MID1: variants seen among roughly 807,000 people sequenced by gnomAD.
MID1 encodes midline 1.
MID1 carries 7 observed loss-of-function variants against 40.4 expected under a neutral mutation model. The ratio of observed to expected loss-of-function variants is 0.17; its 90% CI spans 0.10 to 0.33. The LOEUF is 0.33. Among genes scored for constraint, MID1 ranks in the 10% least tolerant of loss-of-function variants. The pLI, the probability that MID1 is intolerant of heterozygous loss-of-function variation, is 1.00. For synonymous variants in MID1, 229 were observed against 221.2 expected, an observed-to-expected ratio of 1.04 and a Z score of -0.31; for missense variants, 367 against 558.5, an observed-to-expected ratio of 0.66 and a Z score of 3.46.
rs1422955491 is a variant in MID1 at position 10,573,723 on chromosome X, AC to A, written c.-56-6121del. Among the ~76,000 whole-genome samples, 7 of 112,108 alleles carry A rather than the reference AC, an allele frequency of 6.2e-5. No individual in the cohort carries two copies. In the East Asian group the frequency reaches 2.0e-3, roughly 32 times the overall value. On this transcript the variant is annotated intron_variant, in intron 1 of 9. Transcript: ENST00000317552. ...TTTCTGATGGTCTATGGTTCCTTTG[AC>A]AGGGCCATCCAGTTTTTTGTTTGTT...
At chrX:10,767,313 T>TTTCC (rs1254978629) in intron 1 of MID1, among the ~76,000 whole-genome samples, 1 of 89,755 alleles carries the variant, frequency 1.1e-5, no homozygotes, top group Admixed American at 1.5e-4. Flanking sequence ...AGCCTTTTGA[T>TTTCC]TTCTTTCTTT....
At chrX:10,578,459 A>C (rs1338321453) in intron 1 of MID1, among the ~76,000 whole-genome samples, 1 of 112,471 alleles carries the variant, frequency 8.9e-6, no homozygotes, top group South Asian at 3.7e-4. Context: ...ACCCCTCAAG[A>C]GAAAATGATA....
intron 3 of MID1, among the ~76,000 whole-genome samples, chrX:10,498,559 T>A (rs1015426364): frequency 8.9e-6 from 1 of 112,318 alleles, no homozygotes; most frequent in Non-Finnish European, 1.9e-5. Context: ...GCCTAGAACA[T>A]TTTCAGTGCC....
At chrX:10,708,125 A>T (rs2043243553) in intron 1 of MID1, among the ~76,000 whole-genome samples, 1 of 112,461 alleles carries the variant, frequency 8.9e-6, no homozygotes, top group East Asian at 2.8e-4. Flanking sequence ...TTATCTGGTC[A>T]TTTTCCTGAT....
At chrX:10,729,881 G>A (rs1307316173) in intron 1 of MID1, among the ~76,000 whole-genome samples, 2 of 110,358 alleles carry the variant, frequency 1.8e-5, no homozygotes, top group Non-Finnish European at 3.8e-5. Flanking sequence ...TCAGGAGATC[G>A]AAACCATCCT....
At chrX:10,470,800 C>T (rs1036176108) in intron 6 of MID1, among the ~76,000 whole-genome samples, 1 of 112,152 alleles carries the variant, frequency 8.9e-6, no homozygotes, top group South Asian at 3.7e-4. Flanking sequence ...GAATTGATTT[C>T]AGTAACTGGT....
intron 1 of MID1, among the ~76,000 whole-genome samples, chrX:10,753,379 A>T (rs1046443886): frequency 1.8e-5 from 2 of 108,529 alleles, no homozygotes; most frequent in Admixed American, 2.0e-4. Flanking sequence ...TTTCCACTGG[A>T]AAAAAAAAAT....
chrX:10,492,592 TG>T (rs1205057286), intron 4 of MID1, among the ~76,000 whole-genome samples: 10 of 112,194 alleles, frequency 8.9e-5, no homozygotes, highest in Non-Finnish European at 1.9e-4. Context: ...CTATAGCCCA[TG>T]GCATTAAATA....
At chrX:10,739,681 A>C (rs1379028910) in intron 1 of MID1, among the ~76,000 whole-genome samples, 2 of 112,316 alleles carry the variant, frequency 1.8e-5, no homozygotes, top group South Asian at 3.7e-4. Flanking sequence ...AATAGGATAA[A>C]ATTATGGAAA....
chrX:10,534,708 A>G (rs1465992986), intron 2 of MID1, among the ~76,000 whole-genome samples: 3 of 111,931 alleles, frequency 2.7e-5, no homozygotes, highest in African/African-American at 9.7e-5. Flanking sequence ...TGTGTGGTAC[A>G]AAAAAATATT....
intron 2 of MID1, among the ~76,000 whole-genome samples, chrX:10,564,575 C>T (rs773753629): frequency 9.0e-6 from 1 of 111,657 alleles, no homozygotes; most frequent in South Asian, 3.8e-4. Context: ...AATTGTCAGG[C>T]CCTCCATGTG....
At chrX:10,818,484 T>C (rs2044153967) in intron 1 of MID1, among the ~76,000 whole-genome samples, 1 of 112,688 alleles carries the variant, frequency 8.9e-6, no homozygotes, top group Non-Finnish European at 1.9e-5. Flanking sequence ...ATCAGTGTTT[T>C]TCATTAGCTG....
At chrX:10,823,044 T>A (rs780695236) in intron 1 of MID1, among the ~76,000 whole-genome samples, 1 of 111,769 alleles carries the variant, frequency 8.9e-6, no homozygotes. Context: ...GCAGCACTAT[T>A]CACAATAGCA....
chrX:10,483,383 T>G (rs1017583969), intron 4 of MID1, among the ~76,000 whole-genome samples: 6 of 112,177 alleles, frequency 5.3e-5, no homozygotes, highest in Non-Finnish European at 1.1e-4. Context: ...CAATTCCTGA[T>G]TCTGTCTCGC....
Position 10,446,247 on chromosome X carries a change from A to G in MID1, c.*3121T>C, listed in dbSNP as rs1238492721. ...TTTATTAAGATAGACCAGATGGTCA[A>G]CTTCCCAACACCAAATGCACATGTA... is the stretch of plus-strand genomic sequence containing the variant. On this transcript the variant is annotated 3_prime_UTR_variant, in exon 10 of 10. Coordinates refer to ENST00000317552, the MANE Select transcript of MID1 (RefSeq NM_000381.4). The G allele has an allele frequency of 8.9e-6, 1 of 111,799 alleles. No homozygotes were observed. 9.2% of individuals were successfully genotyped at this position (111,799 alleles called of 1,213,427 possible). A position where few individuals can be genotyped will look rare whatever the true frequency, so the allele number is the denominator to read the frequency against.
At chrX:10,525,946 T>TAC (rs1280360107) in intron 2 of MID1, among the ~76,000 whole-genome samples, 1 of 112,514 alleles carries the variant, frequency 8.9e-6, no homozygotes, top group East Asian at 2.8e-4. Context: ...CTCACCACTC[T>TAC]ACACTTTCTT....
intron 1 of MID1, among the ~76,000 whole-genome samples, chrX:10,664,722 C>T (rs965844947): frequency 1.8e-5 from 2 of 111,967 alleles, no homozygotes; most frequent in Non-Finnish European, 3.8e-5. Flanking sequence ...CACTAATAAT[C>T]CTTTTCTTAA....
At chrX:10,727,038 C>A (rs186647114) in intron 1 of MID1, among the ~76,000 whole-genome samples, 1 of 113,197 alleles carries the variant, frequency 8.8e-6, no homozygotes, top group East Asian at 2.8e-4. Flanking sequence ...TCAGTCAAAT[C>A]TCCATTTATG....
intron 1 of MID1, among the ~76,000 whole-genome samples, chrX:10,735,398 G>A (rs1239947600): frequency 1.8e-5 from 2 of 112,106 alleles, no homozygotes; most frequent in Non-Finnish European, 3.8e-5. Context: ...CACCGTGCCT[G>A]GCCTATAGGG....
Sources: allele counts gnomAD v4.1 joint callset (sites outside exome capture counted in the v4.1 genomes callset), GRCh38; gene constraint gnomAD v4.1.1; transcripts MANE v1.5; gene names NCBI Gene and HGNC (gene_info 2026-07-23, HGNC 2026-07-21).